The following ANKS1B variants were observed in gnomAD, a reference collection of about 807,000 sequenced individuals.
ANKS1B encodes ankyrin repeat and sterile alpha motif domain containing 1B, also known as ankyrin repeat and sterile alpha motif domain-containing protein 1B.
In ANKS1B, 36 loss-of-function variants were observed where a neutral mutation model predicts 148.3. The observed-to-expected ratio is 0.24, with a 90% CI of 0.19 to 0.32. The LOEUF (loss-of-function observed/expected upper bound fraction) is 0.32. ANKS1B is among the 10% of genes least tolerant of loss of function. ANKS1B has a pLI of 1.00. For missense variants in ANKS1B, 1,157 were observed against 1,542.6 expected, an observed-to-expected ratio of 0.75 and a Z score of 4.19; for synonymous variants, 542 against 560.8, an observed-to-expected ratio of 0.97 and a Z score of 0.47.
intron 1 of ANKS1B, among the ~76,000 whole-genome samples, chr12:99,936,494 T>C (rs1248101836): frequency 6.6e-6 from 1 of 152,086 alleles, no homozygotes; most frequent in Non-Finnish European, 1.5e-5. Context: ...AAAAAATGGA[T>C]AATTACAGTT....
chr12:98,892,994 T>C (rs555172317), intron 17 of ANKS1B, among the ~76,000 whole-genome samples: 4 of 152,362 alleles, frequency 2.6e-5, no homozygotes, highest in East Asian at 3.9e-4. Flanking sequence ...AAGGTTTCCA[T>C]CCTTGAACAA....
rs187670146 is a variant in ANKS1B at position 99,639,894 on chromosome 12, G to T, written c.1272+15173C>A. Reference sequence around the variant, plus strand: ...CTTAACAAAAATGGTCAGATAGGCTGGGCATGGTGGCTCACATCTGTAATC... The same window carrying T: ...CTTAACAAAAATGGTCAGATAGGCTTGGCATGGTGGCTCACATCTGTAATC... On this transcript the variant is annotated intron_variant, in intron 9 of 26. Transcript: ENST00000683438. Among the ~76,000 whole-genome samples, 771 of 152,270 alleles carry T rather than the reference G, an allele frequency of 5.1e-3. 8 individuals carry two copies. Among genetic ancestry groups the T allele is most frequent in the African/African-American group, 0.017 (725 of 41,556 alleles).
chr12:99,806,635 A>T lies in ANKS1B; in HGVS notation c.438T>A (p.Val146=). Residue 146 remains valine (V), a synonymous_variant, in exon 4 of 27, where the codon GTT becomes GTA. Transcript: ENST00000683438. The stretch of plus-strand genomic sequence containing the variant: ...TCGGGTCAGTGAGCTCTTCTAGGAG[A>T]ACAGCAACTACTTCTGAGTGTCCAT... ...AQYGHSEVVA[V]LLEELTDPTI... 15 of 1,613,954 alleles carry T rather than the reference A, an allele frequency of 9.3e-6. No homozygotes were observed. Among genetic ancestry groups the T allele is most frequent in the Non-Finnish European group, 1.3e-5 (15 of 1,179,858 alleles).
intron 1 of ANKS1B, among the ~76,000 whole-genome samples, chr12:99,942,555 T>C (rs1413717063): frequency 6.6e-6 from 1 of 152,046 alleles, no homozygotes; most frequent in Non-Finnish European, 1.5e-5. Context: ...AAAGATTATA[T>C]GAGTATGTCT....
chr12:99,712,373 A>G (rs951081089), intron 8 of ANKS1B, among the ~76,000 whole-genome samples: 1 of 152,206 alleles, frequency 6.6e-6, no homozygotes, highest in African/African-American at 2.4e-5. Context: ...AAATGGACCT[A>G]TGAAGCTACA....
At chr12:99,007,696 A>G (rs1178535204) in intron 17 of ANKS1B, among the ~76,000 whole-genome samples, 4 of 151,764 alleles carry the variant, frequency 2.6e-5, no homozygotes, top group Non-Finnish European at 5.9e-5. Context: ...CACCTTGGAG[A>G]GTGGTGTGGG....
intron 9 of ANKS1B, among the ~76,000 whole-genome samples, chr12:99,622,966 C>A (rs770742915): frequency 2.6e-5 from 4 of 151,970 alleles, no homozygotes; most frequent in Non-Finnish European, 4.4e-5. Flanking sequence ...AAACTACAGG[C>A]CAATATCCTT....
chr12:99,034,082 G>C (rs893154408), intron 17 of ANKS1B, among the ~76,000 whole-genome samples: 1 of 152,208 alleles, frequency 6.6e-6, no homozygotes, highest in Non-Finnish European at 1.5e-5. Context: ...AGCAGCGCTT[G>C]TTAGAGCTCA....
intron 8 of ANKS1B, among the ~76,000 whole-genome samples, chr12:99,761,354 A>C (rs1485258902): frequency 6.6e-6 from 1 of 152,000 alleles, no homozygotes; most frequent in Non-Finnish European, 1.5e-5. Flanking sequence ...ACGACGATGA[A>C]GGAGGCTTTC....
In ANKS1B at chr12:99,127,138, C is replaced by T. The variant is rs1555277414; in HGVS notation, c.2526+27151G>A. On this transcript the variant is annotated intron_variant, in intron 15 of 26. Coordinates refer to ENST00000683438, the MANE Select transcript of ANKS1B (RefSeq NM_001352186.2). ...CATCCTCAGTAAGCCCACAGGCAAA[C>T]TCCCACCTCAGCAGACTGAATAATT... is the stretch of plus-strand genomic sequence containing the variant. 2.6e-5 allele frequency among the ~76,000 whole-genome samples: 4 copies of T among 152,172 alleles called. 1 individual carries two copies. The South Asian group carries it at 6.2e-4, about 24-fold the overall frequency.
chr12:98,945,267 G>A (rs912129093), intron 17 of ANKS1B, among the ~76,000 whole-genome samples: 5 of 152,162 alleles, frequency 3.3e-5, no homozygotes, highest in African/African-American at 1.2e-4. Context: ...AGATCGAGAT[G>A]GGCAGATCAC....
At chr12:99,053,980 G>A (rs932912753) in intron 16 of ANKS1B, among the ~76,000 whole-genome samples, 1 of 152,188 alleles carries the variant, frequency 6.6e-6, no homozygotes, top group Non-Finnish European at 1.5e-5. Context: ...ACAAAGAAAT[G>A]TGACAGCAAC....
chr12:99,570,138 G>C (rs1036336807), intron 9 of ANKS1B, among the ~76,000 whole-genome samples: 2 of 152,112 alleles, frequency 1.3e-5, no homozygotes, highest in Non-Finnish European at 2.9e-5. Flanking sequence ...TTAACAAGCA[G>C]CTGGAATAAG....
At chr12:98,809,749 G>A (rs531673247) in intron 19 of ANKS1B, among the ~76,000 whole-genome samples, 11 of 152,084 alleles carry the variant, frequency 7.2e-5, no homozygotes, top group Admixed American at 2.6e-4. Flanking sequence ...CCGACTGAAC[G>A]GACCCCCTTG....
chr12:98,998,665 G>A (rs2099931121), intron 17 of ANKS1B, among the ~76,000 whole-genome samples: 1 of 152,184 alleles, frequency 6.6e-6, no homozygotes, highest in Non-Finnish European at 1.5e-5. Flanking sequence ...TAGCCTTCAT[G>A]TGTCTATGTA....
intron 10 of ANKS1B, among the ~76,000 whole-genome samples, chr12:99,474,640 T>TTTTTAG (rs2096288244): frequency 6.6e-6 from 1 of 151,884 alleles, no homozygotes; most frequent in Non-Finnish European, 1.5e-5. Context: ...TTAAAATATA[T>TTTTTAG]AAGGTCATAT....
chr12:98,877,930 C>T (rs556705998), intron 17 of ANKS1B, among the ~76,000 whole-genome samples: 10 of 152,200 alleles, frequency 6.6e-5, no homozygotes, highest in Non-Finnish European at 1.3e-4. Context: ...AGTGGAAACA[C>T]GAAGGATGTG....
intron 11 of ANKS1B, among the ~76,000 whole-genome samples, chr12:99,419,668 T>C (rs2095025661): frequency 6.6e-6 from 1 of 152,146 alleles, no homozygotes; most frequent in Non-Finnish European, 1.5e-5. Context: ...GTCATTCTGC[T>C]TTCTAATTCT....
At chr12:99,898,198 T>A (rs1462233016) in intron 1 of ANKS1B, among the ~76,000 whole-genome samples, 1 of 152,224 alleles carries the variant, frequency 6.6e-6, no homozygotes, top group Non-Finnish European at 1.5e-5. Flanking sequence ...TTTTAAAATC[T>A]AGAATTAAAC....
Sources: gnomAD v4.1 joint callset for allele counts (sites outside exome capture counted in the v4.1 genomes callset) on GRCh38, gnomAD v4.1.1 for gene constraint, MANE v1.5 for transcripts, NCBI Gene and HGNC (gene_info 2026-07-23, HGNC 2026-07-21) for gene names.